The following RYR2 variants were observed in gnomAD, a reference collection of about 807,000 sequenced individuals.
The protein encoded by RYR2 is cardiac muscle ryanodine receptor-calcium release channel.
RYR2 carries 227 observed loss-of-function variants against 601.1 expected under a neutral mutation model. That is an observed-to-expected ratio of 0.38 (90% CI 0.34 to 0.42). The LOEUF (loss-of-function observed/expected upper bound fraction) is 0.42. Among genes scored for constraint, RYR2 ranks in the 10% least tolerant of loss-of-function variants. The pLI is 1.00. For missense variants in RYR2, 4,646 were observed against 6,156.5 expected (o/e 0.75, Z 8.21); for synonymous variants, 2,223 against 2,175.1 (o/e 1.02, Z -0.61).
At chr1:237,428,015 G>GA (rs1706374629) in intron 12 of RYR2, among the ~76,000 whole-genome samples, 1 of 152,026 alleles carries the variant, frequency 6.6e-6, no homozygotes, top group Admixed American at 6.6e-5. Flanking sequence ...CAACATCACT[G>GA]ATCATTAGAT....
chr1:237,177,504 T>C (rs1678190165), intron 1 of RYR2, among the ~76,000 whole-genome samples: 1 of 152,232 alleles, frequency 6.6e-6, no homozygotes, highest in Non-Finnish European at 1.5e-5. Flanking sequence ...CATACGAGCA[T>C]GTTACTTGCT....
chr1:237,064,851 T>A (rs1248916724), intron 1 of RYR2, among the ~76,000 whole-genome samples: 3 of 151,610 alleles, frequency 2.0e-5, no homozygotes, highest in Non-Finnish European at 4.4e-5. Context: ...CATCCTATGA[T>A]TTGGTTGCTC....
Position 237,288,214 on chromosome 1 carries a change from G to A in RYR2, c.168+17598G>A, listed in dbSNP as rs531781552. Among the ~76,000 whole-genome samples, 3 of 152,258 alleles carry A rather than the reference G, an allele frequency of 2.0e-5. No individual in the cohort carries two copies. In the South Asian group the frequency reaches 6.2e-4, roughly 32 times the overall value. ...TACAAGTGTCTGTCCTGGTGCAGGT[G>A]GTGCGAGTGTGCAATGGACTCCATA... On this transcript the variant is annotated intron_variant, in intron 2 of 104. Coordinates refer to ENST00000366574, the MANE Select transcript of RYR2 (RefSeq NM_001035.3).
Position 237,559,448 on chromosome 1 carries a change from G to A in RYR2, c.3215-7119G>A, listed in dbSNP as rs114018030. Among the ~76,000 whole-genome samples, 535 of 152,216 alleles carry A rather than the reference G, an allele frequency of 3.5e-3. 2 individuals carry two copies. The highest frequency in any genetic ancestry group is 0.017 in the Middle Eastern group (5 of 294). Reference sequence around the variant, plus strand: ...TTTAGTAGATATGGGGTTTCACTGTGTTGATCAGGCTGGTCTCGAACTCCT... The same window carrying A: ...TTTAGTAGATATGGGGTTTCACTGTATTGATCAGGCTGGTCTCGAACTCCT... On this transcript the variant is annotated intron_variant, in intron 27 of 104. Coordinates refer to ENST00000366574, the MANE Select transcript of RYR2 (RefSeq NM_001035.3).
intron 26 of RYR2, among the ~76,000 whole-genome samples, 188 bp from the exon 27 acceptor site, chr1:237,550,356 C>T (rs1301312819): frequency 3.9e-5 from 6 of 152,048 alleles, no homozygotes; most frequent in Admixed American, 2.0e-4. Flanking sequence ...TCCATAGATG[C>T]GCTTATTCAT....
chr1:237,205,954 G>T (rs1681765501), intron 1 of RYR2, among the ~76,000 whole-genome samples: 1 of 152,228 alleles, frequency 6.6e-6, no homozygotes. Context: ...GATTGCACAA[G>T]ACCTGGTCTA....
At chr1:237,693,212 T>G (rs1169654281) in intron 63 of RYR2, among the ~76,000 whole-genome samples, 1 of 152,070 alleles carries the variant, frequency 6.6e-6, no homozygotes, top group Non-Finnish European at 1.5e-5. Context: ...AATCATGTTT[T>G]TTTTTTTTTT....
At chr1:237,148,525 A>ATTTTT (rs1288744725) in intron 1 of RYR2, among the ~76,000 whole-genome samples, 3 of 81,532 alleles carry the variant, frequency 3.7e-5, no homozygotes, top group African/African-American at 1.4e-4. Flanking sequence ...TAAAAAAAAA[A>ATTTTT]AAATATATAT....
At chr1:237,181,654 G>C (rs1175348525) in intron 1 of RYR2, among the ~76,000 whole-genome samples, 1 of 152,224 alleles carries the variant, frequency 6.6e-6, no homozygotes, top group Non-Finnish European at 1.5e-5. Flanking sequence ...CATAGGACAC[G>C]AAACCCATCA....
At chr1:237,586,758 C>T (rs753832504) in intron 29 of RYR2, among the ~76,000 whole-genome samples, 3 of 151,756 alleles carry the variant, frequency 2.0e-5, no homozygotes, top group African/African-American at 2.4e-5. Context: ...CTTGCTCTGT[C>T]GCCCAGGCTG....
chr1:237,323,989 G>A (rs925101735), intron 2 of RYR2, among the ~76,000 whole-genome samples: 2 of 152,130 alleles, frequency 1.3e-5, no homozygotes, highest in African/African-American at 4.8e-5. Context: ...GTGGGATGAA[G>A]GGAAAAAGAA....
At chr1:237,073,054 C>T (rs1664580868) in intron 1 of RYR2, among the ~76,000 whole-genome samples, 1 of 152,046 alleles carries the variant, frequency 6.6e-6, no homozygotes, top group Admixed American at 6.6e-5. Context: ...CCACCGCACG[C>T]TGAACTAGAC....
At position 237,649,955 on chromosome 1, in the gene RYR2, T is replaced by C; in HGVS notation, c.7591T>C (p.Cys2531Arg). Reference protein sequence around the residue: ...CTAVLPLLTRCAPLFAGTEHH... With the variant: ...CTAVLPLLTRRAPLFAGTEHH... ...AGCCGTCTTGCCATTGTTAACAAGA[T>C]GTGCTCCTCTCTTTGCTGGCACAGA... Residue 2531 changes from cysteine (C) to arginine (R), a missense_variant, in exon 50 of 105, where the codon TGT becomes CGT. Coordinates refer to ENST00000366574, the MANE Select transcript of RYR2 (RefSeq NM_001035.3). 6.2e-7 allele frequency: 1 copy of C among 1,614,038 alleles called. No individual in the cohort carries two copies. The highest frequency in any genetic ancestry group is 8.5e-7 in the Non-Finnish European group (1 of 1,179,904).
intron 13 of RYR2, among the ~76,000 whole-genome samples, chr1:237,444,256 A>C (rs531778242): frequency 8.5e-5 from 13 of 152,122 alleles, no homozygotes; most frequent in Non-Finnish European, 1.9e-4. Flanking sequence ...CTTAATCTTC[A>C]TTAGTTCCAC....
chr1:237,494,818 T>G (rs1663857173), intron 19 of RYR2, among the ~76,000 whole-genome samples: 1 of 152,082 alleles, frequency 6.6e-6, no homozygotes, highest in Admixed American at 6.5e-5. Flanking sequence ...TGAGACAGAG[T>G]CTTGCTCTGT....
chr1:237,304,954 A>G (rs981875138), intron 2 of RYR2, among the ~76,000 whole-genome samples: 1 of 152,226 alleles, frequency 6.6e-6, no homozygotes, highest in Non-Finnish European at 1.5e-5. Context: ...TTATAATATG[A>G]AAACATCAGC....
At chr1:237,293,408 T>C (rs1692442456) in intron 2 of RYR2, among the ~76,000 whole-genome samples, 1 of 152,154 alleles carries the variant, frequency 6.6e-6, no homozygotes, top group African/African-American at 2.4e-5. Context: ...GGTTTTGCCA[T>C]GTTGGCCAGG....
intron 24 of RYR2, 68 bp downstream of exon 24, chr1:237,511,859 A>AAC: frequency 1.1e-6 from 1 of 876,706 alleles, no homozygotes; most frequent in Non-Finnish European, 1.7e-6. Context: ...AAAAAAAAAA[A>AAC]CAGGTATTGA....
chr1:237,171,836 T>C (rs185547522), intron 1 of RYR2, among the ~76,000 whole-genome samples: 87 of 152,344 alleles, frequency 5.7e-4, no homozygotes, highest in Non-Finnish European at 9.4e-4. Context: ...TTAAAGATTA[T>C]GAAGCTCTGT....
Sources: gnomAD v4.1 joint callset for allele counts (sites outside exome capture counted in the v4.1 genomes callset) on GRCh38, gnomAD v4.1.1 for gene constraint, MANE v1.5 for transcripts, NCBI Gene and HGNC (gene_info 2026-07-23, HGNC 2026-07-21) for gene names.